Variants in RASSF3 observed in about 807,000 individuals in gnomAD.
RASSF3 encodes the protein Ras association domain family member 3.
In RASSF3, 19 loss-of-function variants were observed where a neutral mutation model predicts 19.9. That is an observed-to-expected ratio of 0.96 (90% CI 0.67 to 1.40). RASSF3 has a LOEUF of 1.40. Among genes scored for constraint, RASSF3 ranks in the 40% most tolerant of loss-of-function variants. RASSF3 has a pLI of 0.00. For synonymous variants in RASSF3, 110 were observed against 104.2 expected, an observed-to-expected ratio of 1.06 and a Z score of -0.34; for missense variants, 306 against 289.8, an observed-to-expected ratio of 1.06 and a Z score of -0.41.
At chr12:64,583,300 C>T (rs1869734745) in intron 2 of RASSF3, among the ~76,000 whole-genome samples, 1 of 152,140 alleles carries the variant, frequency 6.6e-6, no homozygotes, top group Non-Finnish European at 1.5e-5. Flanking sequence ...CTCAAGTGTT[C>T]CATGTCACAC....
intron 2 of RASSF3, among the ~76,000 whole-genome samples, chr12:64,601,063 G>A (rs982761181): frequency 4.6e-5 from 7 of 152,132 alleles, no homozygotes; most frequent in Non-Finnish European, 1.0e-4. Flanking sequence ...CACAGTAGGA[G>A]GACTGCTGGA....
rs570704581 is a variant in RASSF3 at position 64,691,992 on chromosome 12, A to G, written c.567+413A>G. On this transcript the variant is annotated intron_variant, in intron 4 of 4. Coordinates refer to ENST00000542104, the MANE Select transcript of RASSF3 (RefSeq NM_178169.4). ...CAGGCTAATTCCCTTCTAAAGGGAT[A>G]TAAAAGGAAATTCGATCTCTTTACC... Among the ~76,000 whole-genome samples, 5 of 152,298 alleles carry G rather than the reference A, an allele frequency of 3.3e-5. No homozygotes were observed. The East Asian group carries it at 9.6e-4, about 29-fold the overall frequency.
downstream of RASSF3, among the ~76,000 whole-genome samples, chr12:64,543,603 C>T (rs1485949693): frequency 6.8e-6 from 1 of 146,774 alleles, no homozygotes; most frequent in Non-Finnish European, 1.5e-5. Context: ...CCATGGCACC[C>T]GGTCCCATCC....
chr12:64,610,845 G>C, intron 1 of RASSF3, 102 bp downstream of exon 1: 1 of 600,070 alleles, frequency 1.7e-6, no homozygotes, highest in Non-Finnish European at 2.7e-6. Context: ...GGCGCTCGGG[G>C]GATGCTCGCC....
chr12:64,638,122 C>T (rs1352293678), intron 1 of RASSF3, among the ~76,000 whole-genome samples: 3 of 152,082 alleles, frequency 2.0e-5, no homozygotes, highest in Admixed American at 2.0e-4. Flanking sequence ...GAGCCTACGC[C>T]CCCGGCCTAG....
intron 2 of RASSF3, among the ~76,000 whole-genome samples, chr12:64,549,454 A>G (rs1218705160): frequency 2.6e-5 from 4 of 152,176 alleles, no homozygotes; most frequent in African/African-American, 9.7e-5. Context: ...ACTACTTTAC[A>G]CACTCAGATT....
intron 1 of RASSF3, chr12:64,507,500 A>G (rs1481521803): frequency 2.6e-6 from 1 of 387,880 alleles, no homozygotes; most frequent in Admixed American, 4.5e-5. Context: ...GAGAGAAAAT[A>G]AAATTAAGCA....
At chr12:64,649,159 T>C (rs1047988555) in intron 1 of RASSF3, among the ~76,000 whole-genome samples, 2 of 151,680 alleles carry the variant, frequency 1.3e-5, no homozygotes, top group Non-Finnish European at 1.5e-5. Flanking sequence ...GAGCTTCTAA[T>C]TGGTGTTCTT....
At chr12:64,655,200 G>A (rs1464812449) in intron 1 of RASSF3, among the ~76,000 whole-genome samples, 2 of 152,222 alleles carry the variant, frequency 1.3e-5, no homozygotes, top group African/African-American at 4.8e-5. Context: ...GTATTTAGCT[G>A]TCTGTGATGA....
intron 1 of RASSF3, chr12:64,515,745 G>A (rs1868359705): frequency 6.6e-6 from 1 of 151,992 alleles, no homozygotes; most frequent in African/African-American, 2.4e-5. Context: ...GCCAGGTCAC[G>A]AACTCCTGGG....
At chr12:64,605,110 T>G (rs1870168173) in intron 2 of RASSF3, among the ~76,000 whole-genome samples, 1 of 151,882 alleles carries the variant, frequency 6.6e-6, no homozygotes, top group Admixed American at 6.6e-5. Flanking sequence ...CTCAGCCTCC[T>G]GAGTAGCTGG....
intron 1 of RASSF3, among the ~76,000 whole-genome samples, chr12:64,656,808 A>G (rs1243449765): frequency 6.6e-6 from 1 of 152,218 alleles, no homozygotes; most frequent in African/African-American, 2.4e-5. Flanking sequence ...TCATTAAAGT[A>G]GCAGTCTAAA....
At chr12:64,564,044 G>T (rs1472267793) in intron 2 of RASSF3, among the ~76,000 whole-genome samples, 1 of 152,188 alleles carries the variant, frequency 6.6e-6, no homozygotes, top group East Asian at 1.9e-4. Flanking sequence ...TGAATGAATA[G>T]TACCTTTGAT....
At chr12:64,667,452 A>T (rs892637422) in intron 1 of RASSF3, among the ~76,000 whole-genome samples, 3 of 152,110 alleles carry the variant, frequency 2.0e-5, no homozygotes, top group African/African-American at 7.2e-5. Flanking sequence ...TCAGCCTCCC[A>T]AAGTACTGGG....
At chr12:64,570,889 A>G (rs1592404178) in intron 2 of RASSF3, among the ~76,000 whole-genome samples, 1 of 152,146 alleles carries the variant, frequency 6.6e-6, no homozygotes, top group East Asian at 1.9e-4. Flanking sequence ...ACCTTGGGGG[A>G]CTCAAGTCAT....
intron 1 of RASSF3, among the ~76,000 whole-genome samples, chr12:64,641,748 ATT>A (rs60194376): frequency 7.2e-6 from 1 of 139,590 alleles, no homozygotes; most frequent in African/African-American, 2.7e-5. Flanking sequence ...GTACCTAGTG[ATT>A]TTTTTTTTTT....
rs537467622 is a variant in RASSF3 at position 64,642,715 on chromosome 12, A to G, written c.111+31972A>G. ...TGTAATACAAAACTTTGTAATAGTG[A>G]GAAGTTTGGAAACAGTAGATATTCA... is the stretch of plus-strand genomic sequence containing the variant. On this transcript the variant is annotated intron_variant, in intron 1 of 4. Coordinates refer to ENST00000542104, the MANE Select transcript of RASSF3 (RefSeq NM_178169.4). Among the ~76,000 whole-genome samples, 96 of 151,772 alleles carry G rather than the reference A, an allele frequency of 6.3e-4. 3 individuals carry two copies. In the South Asian group the frequency reaches 0.015, roughly 24 times the overall value.
At chr12:64,603,401 A>G (rs948044348) in intron 2 of RASSF3, among the ~76,000 whole-genome samples, 1 of 152,322 alleles carries the variant, frequency 6.6e-6, no homozygotes, top group Non-Finnish European at 1.5e-5. Flanking sequence ...ACAGATACCG[A>G]ACTATGGGGT....
intron 1 of RASSF3, among the ~76,000 whole-genome samples, chr12:64,508,651 GA>G (rs1451857437): frequency 6.6e-6 from 1 of 151,936 alleles, no homozygotes; most frequent in East Asian, 1.9e-4. Context: ...TTGGGAGGCC[GA>G]GGCGGGCAGA....
Sources: gnomAD v4.1 joint callset for allele counts (sites outside exome capture counted in the v4.1 genomes callset) on GRCh38, gnomAD v4.1.1 for gene constraint, MANE v1.5 for transcripts, NCBI Gene and HGNC (gene_info 2026-07-23, HGNC 2026-07-21) for gene names.